CA13: variants seen among roughly 807,000 people sequenced by gnomAD.
CA13 encodes the protein carbonic anhydrase 13.
A neutral mutation model predicts 31.5 loss-of-function variants in CA13; 21 were observed. That is an observed-to-expected ratio of 0.67 (90% CI 0.47 to 0.96). The LOEUF is 0.96. Ranked by LOEUF, CA13 falls within the 40% of genes least tolerant of loss-of-function variation. The pLI is 0.00. For synonymous variants in CA13, 117 were observed against 111.4 expected (o/e 1.05, Z -0.32); for missense variants, 315 against 318.9 (o/e 0.99, Z 0.09).
chr8:85,264,464 A>G (rs546255949), intron 3 of CA13, among the ~76,000 whole-genome samples: 8 of 152,314 alleles, frequency 5.3e-5, no homozygotes, highest in Non-Finnish European at 7.3e-5. Flanking sequence ...TAATTAAAAT[A>G]TAAATGCTAA....
chr8:85,260,975 T>C (rs1017151321), intron 3 of CA13, among the ~76,000 whole-genome samples: 19 of 152,232 alleles, frequency 1.2e-4, no homozygotes. Context: ...TTAGGTTTTC[T>C]GCCAGCTGGC....
intron 3 of CA13, among the ~76,000 whole-genome samples, chr8:85,262,947 G>A (rs1215132058): frequency 6.6e-6 from 1 of 152,138 alleles, no homozygotes; most frequent in Non-Finnish European, 1.5e-5. Context: ...TAGACAATAA[G>A]CAAATAAATA....
chr8:85,282,737 G>A lies in CA13; in HGVS notation c.*1388G>A, dbSNP rs1304972372. On this transcript the variant is annotated 3_prime_UTR_variant, in exon 7 of 7. Transcript: ENST00000321764. ...TTATTTTTGTTTGTTTTTGGTGAAG[G>A]ATAAGAGTGGTGTTTCTTTTGCCCT... 1 of 152,076 alleles carries A rather than the reference G, an allele frequency of 6.6e-6. No individual in the cohort carries two copies. The highest frequency in any genetic ancestry group is 1.5e-5 in the Non-Finnish European group (1 of 68,004). The allele number at this position is 152,076 out of a possible 1,614,324, so 9.4% of individuals were successfully genotyped here. A position where few individuals can be genotyped will look rare whatever the true frequency, so the allele number is the denominator to read the frequency against.
At chr8:85,251,873 A>G (rs931105546) in intron 2 of CA13, among the ~76,000 whole-genome samples, 76 of 152,222 alleles carry the variant, frequency 5.0e-4, no homozygotes, top group African/African-American at 1.8e-3. Flanking sequence ...TTAAAAATAC[A>G]TTTGGAATAA....
chr8:85,268,328 C>T, intron 5 of CA13, 144 bp from the exon 6 acceptor site: 2 of 717,864 alleles, frequency 2.8e-6, no homozygotes, highest in Non-Finnish European at 4.5e-6. Context: ...TTTAAAGATA[C>T]TAAAGGAAGA....
intron 6 of CA13, among the ~76,000 whole-genome samples, chr8:85,277,280 T>A (rs184421249): frequency 6.6e-6 from 1 of 152,208 alleles, no homozygotes; most frequent in Non-Finnish European, 1.5e-5. Flanking sequence ...GCAGCTTCAC[T>A]CCTGAAGCCA....
chr8:85,282,899 T>A lies in CA13; in HGVS notation c.*1550T>A, dbSNP rs1807729183. 1 of 150,690 alleles carries A rather than the reference T, an allele frequency of 6.6e-6. No homozygotes were observed. Among genetic ancestry groups the A allele is most frequent in the South Asian group, 2.1e-4 (1 of 4,758 alleles). The allele number at this position is 150,690 out of a possible 1,614,324, so 9.3% of individuals were successfully genotyped here. The stretch of plus-strand genomic sequence containing the variant: ...ATTTGGAAGATTTGTTTCTTTTATC[T>A]CTCTTCCTCTGGATGTAGTTTTTTT... On this transcript the variant is annotated 3_prime_UTR_variant, in exon 7 of 7. Transcript: ENST00000321764.
rs545113326 is a variant in CA13 at position 85,280,875 on chromosome 8, C to G, written c.670-355C>G. ...TCAAAACAGCATATATAGTTGAGTT[C>G]ATTTTTGTCATAAAATGTATGTATG... On this transcript the variant is annotated intron_variant, in intron 6 of 6. Coordinates refer to ENST00000321764, the MANE Select transcript of CA13 (RefSeq NM_198584.3). Among the ~76,000 whole-genome samples the G allele has an allele frequency of 2.6e-5, 4 of 152,206 alleles. No homozygotes were observed. The South Asian group carries it at 8.3e-4, about 32-fold the overall frequency.
At chr8:85,265,768 G>A (rs1209911651) in intron 3 of CA13, among the ~76,000 whole-genome samples, 1 of 152,096 alleles carries the variant, frequency 6.6e-6, no homozygotes, top group Non-Finnish European at 1.5e-5. Flanking sequence ...TTAAAACATT[G>A]CATTGTGCCC....
chr8:85,268,337 GATA>G, intron 5 of CA13, 132 bp from the exon 6 acceptor site: 1 of 760,700 alleles, frequency 1.3e-6, no homozygotes, highest in Non-Finnish European at 2.1e-6. Context: ...ACTAAAGGAA[GATA>G]TTACATAATT....
intron 1 of CA13, chr8:85,246,603 A>G (rs961579307): frequency 4.6e-6 from 2 of 437,836 alleles, no homozygotes; most frequent in African/African-American, 2.0e-5. Flanking sequence ...ATAAATAATA[A>G]TGACATACAC....
chr8:85,266,617 G>A lies in CA13; in HGVS notation c.364G>A (p.Val122Ile). Residue 122 changes from valine (V) to isoleucine (I), a missense_variant, in exon 4 of 7, where the codon GTT becomes ATT. Physicochemically the swap from Val to Ile is conservative, Grantham distance 29. Transcript: ENST00000321764. ...GVSYAAELHV[V>I]HWNSDKYPSF... Reference sequence around the variant, plus strand: ...TATATCTCCCTTTCAGCTCCATGTTGTTCACTGGAATTCAGACAAATACCC... The same window carrying A: ...TATATCTCCCTTTCAGCTCCATGTTATTCACTGGAATTCAGACAAATACCC... The A allele has an allele frequency of 6.2e-7, 1 of 1,613,358 alleles. No homozygotes were observed. Among genetic ancestry groups the A allele is most frequent in the Non-Finnish European group, 8.5e-7 (1 of 1,179,460 alleles).
rs146008145 is a variant in CA13 at position 85,266,207 on chromosome 8, C to T, written c.355-401C>T. 2.2e-3 allele frequency among the ~76,000 whole-genome samples: 336 copies of T among 152,242 alleles called. 4 individuals carry two copies. The highest frequency in any genetic ancestry group is 0.018 in the Admixed American group (273 of 15,290). On this transcript the variant is annotated intron_variant, in intron 3 of 6. Transcript: ENST00000321764. ...GCTTTTTTAAAAATTTATTTATTTTCTGATATGAAGTGTCGCTCTGTTGCT... is the reference window on the plus strand; with the variant it reads ...GCTTTTTTAAAAATTTATTTATTTTTTGATATGAAGTGTCGCTCTGTTGCT...
chr8:85,262,861 A>G (rs1229112674), intron 3 of CA13, among the ~76,000 whole-genome samples: 1 of 152,062 alleles, frequency 6.6e-6, no homozygotes, highest in East Asian at 1.9e-4. Flanking sequence ...GGCAGGATCC[A>G]TGTTTCTAGG....
chr8:85,271,671 C>A (rs949708564), intron 6 of CA13, among the ~76,000 whole-genome samples: 1 of 152,042 alleles, frequency 6.6e-6, no homozygotes, highest in Non-Finnish European at 1.5e-5. Flanking sequence ...GAAAAAAACT[C>A]TTTTTTGTTT....
chr8:85,264,289 G>A (rs1020994402), intron 3 of CA13, among the ~76,000 whole-genome samples: 3 of 152,130 alleles, frequency 2.0e-5, no homozygotes, highest in African/African-American at 7.2e-5. Flanking sequence ...CACTAATATG[G>A]AATTTGAAAC....
At chr8:85,276,270 G>T (rs936565225) in intron 6 of CA13, among the ~76,000 whole-genome samples, 6 of 152,154 alleles carry the variant, frequency 3.9e-5, no homozygotes, top group Non-Finnish European at 5.9e-5. Context: ...CCGGGGCAGG[G>T]CTCGGGACCT....
At chr8:85,256,367 A>T (rs943609917) in intron 2 of CA13, among the ~76,000 whole-genome samples, 1 of 152,244 alleles carries the variant, frequency 6.6e-6, no homozygotes, top group African/African-American at 2.4e-5. Flanking sequence ...TTTTAAAAAG[A>T]TATCAAAAAG....
Position 85,250,891 on chromosome 8 carries a change from C to G in CA13, c.189C>G (p.Ser63Arg). The change falls in exon 2 of 7, where the codon AGC (serine) becomes AGG (arginine). Residue 63 changes from serine to arginine, a missense_variant. Coordinates refer to ENST00000321764, the MANE Select transcript of CA13 (RefSeq NM_198584.3). ...GCTCAGCTAAAATCATCAGCAACAGCGGCCATTCCTTCAATGTTGACTTTG... is the reference window on the plus strand; with the variant it reads ...GCTCAGCTAAAATCATCAGCAACAGGGGCCATTCCTTCAATGTTGACTTTG... ...DPSSAKIISN[S>R]GHSFNVDFDD... The G allele has an allele frequency of 6.2e-7, 1 of 1,613,924 alleles. No individual in the cohort carries two copies. Among genetic ancestry groups the G allele is most frequent in the Non-Finnish European group, 8.5e-7 (1 of 1,179,958 alleles).
Sources: allele counts gnomAD v4.1 joint callset (sites outside exome capture counted in the v4.1 genomes callset), GRCh38; gene constraint gnomAD v4.1.1; transcripts MANE v1.5; gene names NCBI Gene and HGNC (gene_info 2026-07-23, HGNC 2026-07-21).